Variants in FAF1 observed in about 807,000 individuals in gnomAD.
FAF1 encodes the protein Fas associated factor 1.
Under a neutral mutation model 92.5 loss-of-function variants are expected in FAF1, and 25 were observed. The observed-to-expected ratio is 0.27, with a 90% CI of 0.20 to 0.38. The LOEUF (loss-of-function observed/expected upper bound fraction) is 0.38, where lower values mean the gene tolerates loss of function less well. Among genes scored for constraint, FAF1 ranks in the 10% least tolerant of loss-of-function variants. FAF1 has a pLI of 1.00. For synonymous variants in FAF1, 234 were observed against 273.2 expected, an observed-to-expected ratio of 0.86 and a Z score of 1.42; for missense variants, 636 against 793.3, an observed-to-expected ratio of 0.80 and a Z score of 2.38.
rs530739911 is a variant in FAF1 at position 50,583,569 on chromosome 1, C to T, written c.1031+83G>A. On this transcript the variant is annotated intron_variant, in intron 11 of 18. Transcript: ENST00000396153. This position sits in a 1 kb window ranked among gnomAD's most constrained non-coding sequence, Gnocchi z 4.2. ...GAATACTTTAAGGAGAAACTTTAAA[C>T]AATCTATAATTAAAATTGCCCAAGA... 7 of 809,716 alleles carry T rather than the reference C, an allele frequency of 8.6e-6. 1 individual carries two copies. In the East Asian group the frequency reaches 1.8e-4, roughly 21 times the overall value. 50.2% of individuals were successfully genotyped at this position (809,716 alleles called of 1,614,324 possible).
chr1:50,755,017 G>C (rs1443921348), intron 4 of FAF1, among the ~76,000 whole-genome samples: 2 of 152,046 alleles, frequency 1.3e-5, no homozygotes, highest in East Asian at 3.9e-4. Flanking sequence ...TTTGGGTGGG[G>C]ACACAGCCAA....
At chr1:50,813,066 G>T (rs1276543314) in intron 2 of FAF1, among the ~76,000 whole-genome samples, 1 of 152,138 alleles carries the variant, frequency 6.6e-6, no homozygotes, top group East Asian at 1.9e-4. Flanking sequence ...GGGCCTCCTT[G>T]AGAGTGGCGG....
intron 7 of FAF1, among the ~76,000 whole-genome samples, chr1:50,684,155 A>C (rs888322790): frequency 6.6e-6 from 1 of 152,158 alleles, no homozygotes; most frequent in African/African-American, 2.4e-5. Flanking sequence ...AGTAGTAGCA[A>C]AGTCATAGCA....
intron 1 of FAF1, among the ~76,000 whole-genome samples, chr1:50,936,272 T>A (rs1645084216): frequency 6.6e-6 from 1 of 152,174 alleles, no homozygotes. Context: ...CAAAGTAATG[T>A]GATAGCTATA....
intron 14 of FAF1, among the ~76,000 whole-genome samples, chr1:50,538,097 C>A (rs563733532): frequency 8.6e-5 from 13 of 150,810 alleles, no homozygotes; most frequent in Non-Finnish European, 1.9e-4. Flanking sequence ...TGACACACTT[C>A]ATTATAGGAT....
chr1:50,759,226 T>C (rs1660214040), intron 4 of FAF1, among the ~76,000 whole-genome samples: 1 of 151,884 alleles, frequency 6.6e-6, no homozygotes, highest in African/African-American at 2.4e-5. Flanking sequence ...TGTATACATG[T>C]GCCATGCTGG....
chr1:50,576,315 T>G (rs1650731288), intron 12 of FAF1, among the ~76,000 whole-genome samples: 2 of 152,268 alleles, frequency 1.3e-5, no homozygotes, highest in South Asian at 4.1e-4. Context: ...AAGTGGGAAA[T>G]CAGCAATTGA....
At chr1:50,619,351 G>A (rs1053226567) in intron 8 of FAF1, among the ~76,000 whole-genome samples, 1 of 152,194 alleles carries the variant, frequency 6.6e-6, no homozygotes, top group Non-Finnish European at 1.5e-5. Context: ...GTGCTTAAGT[G>A]TGTGTTTGTT....
At chr1:50,835,564 C>A in intron 2 of FAF1, among the ~76,000 whole-genome samples, 1 of 128,208 alleles carries the variant, frequency 7.8e-6, no homozygotes. Context: ...AAGCAAGACT[C>A]CATCTCAAAA....
intron 15 of FAF1, among the ~76,000 whole-genome samples, chr1:50,526,655 T>C (rs535847191): frequency 2.0e-5 from 3 of 151,922 alleles, no homozygotes; most frequent in Admixed American, 6.6e-5. Flanking sequence ...CATGTACAAA[T>C]GTTTACATGG....
At position 50,957,647 on chromosome 1, in the gene FAF1, C is replaced by T. The variant is rs541466604; in HGVS notation, c.45+2120G>A. On this transcript the variant is annotated intron_variant, in intron 1 of 18. Coordinates refer to ENST00000396153, the MANE Select transcript of FAF1 (RefSeq NM_007051.3). ...GATTACAGGCCTGAGCCACCATGCC[C>T]GGCCGAAATTTTCATTTTCATTTCC... Among the ~76,000 whole-genome samples, 45 of 152,136 alleles carry T rather than the reference C, an allele frequency of 3.0e-4. 1 individual carries two copies. In the South Asian group the frequency reaches 9.1e-3, roughly 31 times the overall value.
intron 4 of FAF1, among the ~76,000 whole-genome samples, chr1:50,756,702 G>A (rs1660089308): frequency 6.6e-6 from 1 of 152,178 alleles, no homozygotes; most frequent in Non-Finnish European, 1.5e-5. Flanking sequence ...CCACATGGTT[G>A]GGGAGGCCTC....
chr1:50,806,872 C>T (rs1569979150), intron 2 of FAF1, among the ~76,000 whole-genome samples: 1 of 151,974 alleles, frequency 6.6e-6, no homozygotes, highest in Non-Finnish European at 1.5e-5. Context: ...AGCAAAAAAA[C>T]AAACAAACAA....
intron 15 of FAF1, among the ~76,000 whole-genome samples, chr1:50,512,057 G>A (rs981509496): frequency 6.6e-6 from 1 of 152,090 alleles, no homozygotes; most frequent in Non-Finnish European, 1.5e-5. Context: ...AGAAGTGTCT[G>A]TTCATATCCC....
chr1:50,685,397 G>T (rs1656613725), intron 7 of FAF1, among the ~76,000 whole-genome samples: 1 of 152,162 alleles, frequency 6.6e-6, no homozygotes, highest in Non-Finnish European at 1.5e-5. Context: ...CGAGATAGAA[G>T]GAGGGTGAGG....
intron 8 of FAF1, among the ~76,000 whole-genome samples, chr1:50,612,783 C>T (rs1652738469): frequency 6.6e-6 from 1 of 152,208 alleles, no homozygotes; most frequent in South Asian, 2.1e-4. Flanking sequence ...TGGGTACTAT[C>T]TAGAAACAAG....
chr1:50,934,193 T>C lies in FAF1; in HGVS notation c.45+25574A>G, dbSNP rs548018624. On this transcript the variant is annotated intron_variant, in intron 1 of 18. Coordinates refer to ENST00000396153, the MANE Select transcript of FAF1 (RefSeq NM_007051.3). ...CTTGAGTTAATATTACCGCACCCCA[T>C]ATAATGTAAGAACCTTACAATACTT... Among the ~76,000 whole-genome samples, 7 of 152,334 alleles carry C rather than the reference T, an allele frequency of 4.6e-5. No individual in the cohort carries two copies. The South Asian group carries it at 1.2e-3, about 27-fold the overall frequency.
At chr1:50,874,335 CTTCAT>C (rs1644552302) in intron 1 of FAF1, among the ~76,000 whole-genome samples, 1 of 151,992 alleles carries the variant, frequency 6.6e-6, no homozygotes, top group African/African-American at 2.4e-5. Flanking sequence ...TCCATCAACA[CTTCAT>C]AATTTTAATA....
intron 5 of FAF1, among the ~76,000 whole-genome samples, chr1:50,739,806 C>G (rs1659314927): frequency 6.6e-6 from 1 of 152,064 alleles, no homozygotes. Context: ...AGCTCTCACT[C>G]TTTGAAATGA....
Sources: allele counts gnomAD v4.1 joint callset (sites outside exome capture counted in the v4.1 genomes callset), GRCh38; gene constraint gnomAD v4.1.1; non-coding constraint Gnocchi (gnomAD v3.1); transcripts MANE v1.5; gene names NCBI Gene and HGNC (gene_info 2026-07-23, HGNC 2026-07-21).